TRAPPC9: variants seen among roughly 807,000 people sequenced by gnomAD.
The protein encoded by TRAPPC9 is IKK2 binding protein.
A neutral mutation model predicts 124.0 loss-of-function variants in TRAPPC9; 83 were observed. The ratio of observed to expected loss-of-function variants is 0.67; its 90% CI spans 0.56 to 0.80. TRAPPC9 has a LOEUF of 0.80. Among genes scored for constraint, TRAPPC9 ranks in the 30% least tolerant of loss-of-function variants. The pLI is 0.00. For missense variants in TRAPPC9, 1,302 were observed against 1,508.3 expected (o/e 0.86, Z 2.27); for synonymous variants, 638 against 617.5 (o/e 1.03, Z -0.49).
chr8:139,852,076 C>T (rs184508746), intron 21 of TRAPPC9, among the ~76,000 whole-genome samples: 19 of 152,266 alleles, frequency 1.2e-4, no homozygotes, highest in African/African-American at 3.1e-4. Context: ...GCGCTGTTCT[C>T]GTGATAGTGA....
intron 7 of TRAPPC9, among the ~76,000 whole-genome samples, chr8:140,387,508 G>T (rs2068785918): frequency 6.6e-6 from 1 of 152,120 alleles, no homozygotes; most frequent in African/African-American, 2.4e-5. Context: ...AATCTACAAT[G>T]AACTCAAACA....
At chr8:140,388,406 G>A (rs1345054853) in intron 7 of TRAPPC9, among the ~76,000 whole-genome samples, 9 of 151,772 alleles carry the variant, frequency 5.9e-5, no homozygotes, top group South Asian at 2.1e-4. Context: ...GAAGGGGGCC[G>A]AGTGCGGTGG....
intron 19 of TRAPPC9, among the ~76,000 whole-genome samples, chr8:139,925,911 G>A (rs1287717190): frequency 6.6e-6 from 1 of 152,120 alleles, no homozygotes; most frequent in Non-Finnish European, 1.5e-5. Flanking sequence ...GCCGTGAAAT[G>A]AGATTTGAGC....
intron 5 of TRAPPC9, among the ~76,000 whole-genome samples, chr8:140,408,499 C>T (rs1304584511): frequency 6.6e-6 from 1 of 152,196 alleles, no homozygotes; most frequent in Non-Finnish European, 1.5e-5. Context: ...GTTTGCCTTT[C>T]TCTCCTAGAG....
chr8:139,820,042 C>T (rs956077386), intron 21 of TRAPPC9, among the ~76,000 whole-genome samples: 1 of 149,156 alleles, frequency 6.7e-6, no homozygotes, highest in Admixed American at 6.7e-5. Context: ...GAGAAAACTA[C>T]CGTCCAAAAC....
intron 17 of TRAPPC9, among the ~76,000 whole-genome samples, chr8:140,144,067 A>G (rs1399804657): frequency 6.6e-6 from 1 of 152,226 alleles, no homozygotes; most frequent in African/African-American, 2.4e-5. Context: ...AATAATCTGT[A>G]TAAGACTATT....
At chr8:140,112,482 G>A (rs192372420) in intron 17 of TRAPPC9, among the ~76,000 whole-genome samples, 1 of 152,286 alleles carries the variant, frequency 6.6e-6, no homozygotes, top group Admixed American at 6.5e-5. Flanking sequence ...ACAGGTGTGA[G>A]AAGAGTAATG....
intron 17 of TRAPPC9, among the ~76,000 whole-genome samples, chr8:140,173,991 G>A (rs990561347): frequency 6.6e-6 from 1 of 152,196 alleles, no homozygotes; most frequent in Non-Finnish European, 1.5e-5. Context: ...TAGCATGGCA[G>A]ATGACACACG....
intron 17 of TRAPPC9, among the ~76,000 whole-genome samples, chr8:140,111,560 G>T (rs1032359309): frequency 6.6e-6 from 1 of 152,232 alleles, no homozygotes; most frequent in Non-Finnish European, 1.5e-5. Flanking sequence ...ACTGATGCCC[G>T]TGAGCAGAGC....
At chr8:140,010,512 T>C (rs764240056) in intron 18 of TRAPPC9, among the ~76,000 whole-genome samples, 5 of 152,130 alleles carry the variant, frequency 3.3e-5, no homozygotes, top group Non-Finnish European at 7.4e-5. Flanking sequence ...AAAAGATTAA[T>C]ACAAATTTTT....
At chr8:140,024,628 C>A (rs1423069086) in intron 17 of TRAPPC9, among the ~76,000 whole-genome samples, 1 of 152,086 alleles carries the variant, frequency 6.6e-6, no homozygotes, top group East Asian at 1.9e-4. Flanking sequence ...AACTCCTGAC[C>A]TCGGGTGATC....
At chr8:140,263,277 A>C in intron 15 of TRAPPC9, among the ~76,000 whole-genome samples, 1 of 152,110 alleles carries the variant, frequency 6.6e-6, no homozygotes, top group South Asian at 2.1e-4. Context: ...GACACCTTGC[A>C]CCTGTTTACC....
intron 5 of TRAPPC9, among the ~76,000 whole-genome samples, chr8:140,424,408 A>G (rs2132540915): frequency 6.6e-6 from 1 of 152,138 alleles, no homozygotes; most frequent in Admixed American, 6.5e-5. Flanking sequence ...TGGGAGGCAA[A>G]GGTGAGAGGA....
chr8:140,259,333 A>G (rs547450085), intron 15 of TRAPPC9, among the ~76,000 whole-genome samples: 2 of 152,248 alleles, frequency 1.3e-5, no homozygotes, highest in Admixed American at 1.3e-4. Context: ...CTAGTGGAAC[A>G]CCATCCAGGT....
chr8:140,060,267 C>T (rs1203402116), intron 17 of TRAPPC9, among the ~76,000 whole-genome samples: 1 of 152,190 alleles, frequency 6.6e-6, no homozygotes, highest in Non-Finnish European at 1.5e-5. Context: ...CCTCGGGTGT[C>T]CCACGAGGTC....
At chr8:140,291,610 G>C (rs2065663524) in intron 11 of TRAPPC9, among the ~76,000 whole-genome samples, 1 of 152,252 alleles carries the variant, frequency 6.6e-6, no homozygotes, top group African/African-American at 2.4e-5. Context: ...CATGCACTAT[G>C]TAATCCCCAC....
chr8:139,944,412 T>G (rs1036941951), intron 19 of TRAPPC9, among the ~76,000 whole-genome samples: 2 of 152,232 alleles, frequency 1.3e-5, no homozygotes, highest in Non-Finnish European at 2.9e-5. Flanking sequence ...TGTACATAGA[T>G]CTGACACATT....
chr8:139,865,432 T>C (rs1388987998), intron 21 of TRAPPC9, among the ~76,000 whole-genome samples: 1 of 152,232 alleles, frequency 6.6e-6, no homozygotes, highest in Admixed American at 6.5e-5. Flanking sequence ...CACTCTGTGT[T>C]GTGAGTTCAT....
At chr8:140,020,666 G>A (rs1244829995) in intron 18 of TRAPPC9, among the ~76,000 whole-genome samples, 1 of 152,058 alleles carries the variant, frequency 6.6e-6, no homozygotes, top group Non-Finnish European at 1.5e-5. Flanking sequence ...AGTAGGTGGA[G>A]CTGATTAAAA....
Sources: allele counts gnomAD v4.1 joint callset (sites outside exome capture counted in the v4.1 genomes callset), GRCh38; gene constraint gnomAD v4.1.1; transcripts MANE v1.5; gene names NCBI Gene and HGNC (gene_info 2026-07-23, HGNC 2026-07-21).